The following CDH23 variants were observed in gnomAD, a reference collection of about 807,000 sequenced individuals.
The protein encoded by CDH23 is cadherin related 23.
CDH23 carries 189 observed loss-of-function variants against 317.1 expected under a neutral mutation model. That is an observed-to-expected ratio of 0.60 (90% CI 0.53 to 0.67). The LOEUF (loss-of-function observed/expected upper bound fraction) is 0.67. CDH23 is among the 30% of genes least tolerant of loss of function. The probability of loss-of-function intolerance (pLI) is 0.00; values close to 1 mark genes in which losing one functional copy is unlikely to be tolerated. For synonymous variants in CDH23, 1,839 were observed against 1,876.8 expected, an observed-to-expected ratio of 0.98 and a Z score of 0.52; for missense variants, 4,401 against 4,592.4, an observed-to-expected ratio of 0.96 and a Z score of 1.20.
chr10:71,687,641 T>A lies in CDH23; in HGVS notation c.1987-6T>A, dbSNP rs747221672. 1 of 1,613,820 alleles carries A rather than the reference T, an allele frequency of 6.2e-7. No individual in the cohort carries two copies. Among genetic ancestry groups the A allele is most frequent in the Admixed American group, 1.7e-5 (1 of 60,024 alleles). On this transcript the variant is annotated splice_region_variant and splice_polypyrimidine_tract_variant and intron_variant, in intron 18 of 69. Transcript: ENST00000224721. ...GCCTCCTGCAACCTGTCTGTGTTCCTTCCAGGATGAGAATGACAACCCTCC... is the reference window on the plus strand; with the variant it reads ...GCCTCCTGCAACCTGTCTGTGTTCCATCCAGGATGAGAATGACAACCCTCC...
At chr10:71,559,389 G>A (rs562099507) in intron 6 of CDH23, among the ~76,000 whole-genome samples, 1 of 152,200 alleles carries the variant, frequency 6.6e-6, no homozygotes, top group African/African-American at 2.4e-5. Flanking sequence ...TTTATTGAAT[G>A]CCTTCTATGC....
In CDH23 at chr10:71,557,718, T is replaced by G. The variant is rs973029104; in HGVS notation, c.430-9024T>G. ...TTTATAATGTGAGCTTATTTCTTCC[T>G]TAGTGTTTCAGCCTATAGTGTCACT... On this transcript the variant is annotated intron_variant, in intron 6 of 69. Transcript: ENST00000224721. 1.7e-4 allele frequency among the ~76,000 whole-genome samples: 26 copies of G among 152,256 alleles called. 1 individual carries two copies. The highest frequency in any genetic ancestry group is 6.0e-4 in the African/African-American group (25 of 41,466).
intron 44 of CDH23, among the ~76,000 whole-genome samples, chr10:71,786,558 C>T (rs1488960115): frequency 7.2e-6 from 1 of 138,460 alleles, no homozygotes; most frequent in Non-Finnish European, 1.5e-5. Flanking sequence ...GTGGTGCAAT[C>T]GTGATCTCAG....
intron 38 of CDH23, chr10:71,755,441 C>T (rs139011277): frequency 1.6e-5 from 26 of 1,612,602 alleles, no homozygotes; most frequent in East Asian, 8.9e-5. Context: ...TGCAGGCACC[C>T]GTAGCCAGGG....
At chr10:71,762,010 G>A in intron 38 of CDH23, 1 of 1,605,200 alleles carries the variant, frequency 6.2e-7, no homozygotes, top group Non-Finnish European at 8.5e-7. Flanking sequence ...TGGCGACCTT[G>A]AAGGCTGCCA....
At chr10:71,565,283 A>G (rs1471278395) in intron 6 of CDH23, among the ~76,000 whole-genome samples, 1 of 152,152 alleles carries the variant, frequency 6.6e-6, no homozygotes, top group Non-Finnish European at 1.5e-5. Flanking sequence ...CTAGGGCTGA[A>G]GGGAAAGGAG....
At chr10:71,777,987 A>G in intron 39 of CDH23, 86 bp downstream of exon 39, 1 of 1,503,516 alleles carries the variant, frequency 6.7e-7, no homozygotes. Context: ...AGGGGGATGG[A>G]GCAAAGATGC....
At chr10:71,577,140 G>A (rs1325165404) in intron 8 of CDH23, among the ~76,000 whole-genome samples, 1 of 151,934 alleles carries the variant, frequency 6.6e-6, no homozygotes, top group African/African-American at 2.4e-5. Flanking sequence ...ATGTGTATTC[G>A]CACTCCTAAT....
intron 12 of CDH23, among the ~76,000 whole-genome samples, chr10:71,644,536 C>T (rs961026733): frequency 6.6e-6 from 1 of 152,200 alleles, no homozygotes; most frequent in Admixed American, 6.5e-5. Context: ...CCCCCTCTGC[C>T]CTGAGCGGGA....
Position 71,811,961 on chromosome 10 carries a change from G to C in CDH23, c.9326G>C (p.Arg3109Pro). The C allele has an allele frequency of 6.2e-7, 1 of 1,607,788 alleles. No homozygotes were observed. The highest frequency in any genetic ancestry group is 8.5e-7 in the Non-Finnish European group (1 of 1,179,012). ...CCAACCCTTCTCCCTGCAGGGAATCGTGGCTTCATCGACATCATGGACATG... is the reference window on the plus strand; with the variant it reads ...CCAACCCTTCTCCCTGCAGGGAATCCTGGCTTCATCGACATCATGGACATG... ...KAIVAGSAGN[R>P]GFIDIMDMPN... The change falls in exon 66 of 70, where the codon CGT (arginine) becomes CCT (proline). Residue 3109 changes from arginine (R) to proline (P), a missense_variant. Physicochemically the swap from Arg to Pro is moderately radical, Grantham distance 103. Coordinates refer to ENST00000224721, the MANE Select transcript of CDH23 (RefSeq NM_022124.6).
Position 71,718,906 on chromosome 10 carries a change from G to GA in CDH23, c.3370-5127dup, listed in dbSNP as rs78421738. 1.3e-3 allele frequency among the ~76,000 whole-genome samples: 183 copies of GA among 138,870 alleles called. 1 individual carries two copies. Among genetic ancestry groups the GA allele is most frequent in the Admixed American group, 1.7e-3 (23 of 13,902 alleles). 91.1% of individuals were successfully genotyped at this position (138,870 alleles called of 152,430 possible). ...ACATAGTGAGTCTTCATTTCTGAAA[G>GA]AAAAAAAAAAAAGGTTTTTTAATTA... On this transcript the variant is annotated intron_variant, in intron 28 of 69. Transcript: ENST00000224721.
intron 1 of CDH23, among the ~76,000 whole-genome samples, chr10:71,424,649 C>T (rs947116231): frequency 6.6e-6 from 1 of 152,210 alleles, no homozygotes; most frequent in East Asian, 1.9e-4. Context: ...CTTGAAGGGA[C>T]CTCGTTCCTT....
At chr10:71,698,646 C>T (rs1317029114) in intron 22 of CDH23, among the ~76,000 whole-genome samples, 2 of 152,174 alleles carry the variant, frequency 1.3e-5, no homozygotes, top group Non-Finnish European at 2.9e-5. Flanking sequence ...CTGACCCCTG[C>T]TCTTTTCATA....
At chr10:71,797,048 A>T (rs1253428695) in intron 48 of CDH23, 56 bp from the exon 49 acceptor site, 7 of 1,153,856 alleles carry the variant, frequency 6.1e-6, no homozygotes, top group Non-Finnish European at 9.0e-6. Context: ...ACCCCTGGGA[A>T]GGGCAGATTT....
chr10:71,655,227 G>A (rs1238393101), intron 14 of CDH23, among the ~76,000 whole-genome samples: 4 of 152,172 alleles, frequency 2.6e-5, no homozygotes, highest in Non-Finnish European at 5.9e-5. Flanking sequence ...TCCCTGGCCA[G>A]TGGAATTCAA....
At chr10:71,441,511 G>C (rs1046161349) in intron 2 of CDH23, among the ~76,000 whole-genome samples, 4 of 152,150 alleles carry the variant, frequency 2.6e-5, no homozygotes, top group African/African-American at 9.7e-5. Context: ...TTGTGGTCAG[G>C]AGTTCAAGAC....
chr10:71,695,361 C>T, intron 21 of CDH23, 57 bp from the exon 22 acceptor site: 5 of 1,259,986 alleles, frequency 4.0e-6, no homozygotes, highest in Admixed American at 1.7e-5. Flanking sequence ...CCTGGCAGGC[C>T]CTGCCCTGGC....
At chr10:71,743,301 A>G (rs1026177115) in intron 38 of CDH23, among the ~76,000 whole-genome samples, 1 of 152,204 alleles carries the variant, frequency 6.6e-6, no homozygotes, top group Admixed American at 6.5e-5. Context: ...ATGAGGCCCC[A>G]GCTCTGTCCC....
At chr10:71,748,872 G>C (rs747559975) in intron 38 of CDH23, 9 of 152,794 alleles carry the variant, frequency 5.9e-5, no homozygotes, top group Non-Finnish European at 7.3e-5. Context: ...TGTAGGCAGG[G>C]CCTGTGGCCA....
Sources: gnomAD v4.1 joint callset for allele counts (sites outside exome capture counted in the v4.1 genomes callset) on GRCh38, gnomAD v4.1.1 for gene constraint, MANE v1.5 for transcripts, NCBI Gene and HGNC (gene_info 2026-07-23, HGNC 2026-07-21) for gene names.